The following SEMA3A variants were observed in gnomAD, a reference collection of about 807,000 sequenced individuals.
SEMA3A encodes the protein semaphorin-3A.
A neutral mutation model predicts 97.9 loss-of-function variants in SEMA3A; 29 were observed. That is an observed-to-expected ratio of 0.30 (90% CI 0.22 to 0.40). The LOEUF (loss-of-function observed/expected upper bound fraction) is 0.40, where lower values mean the gene tolerates loss of function less well. Ranked by LOEUF, SEMA3A falls within the 10% of genes least tolerant of loss-of-function variation. The probability of loss-of-function intolerance (pLI) is 1.00; values close to 1 mark genes in which losing one functional copy is unlikely to be tolerated. For missense variants in SEMA3A, 763 were observed against 951.3 expected, an observed-to-expected ratio of 0.80 and a Z score of 2.60; for synonymous variants, 321 against 323.7, an observed-to-expected ratio of 0.99 and a Z score of 0.09.
At chr7:84,060,796 A>G (rs2115685374) in intron 4 of SEMA3A, among the ~76,000 whole-genome samples, 1 of 152,350 alleles carries the variant, frequency 6.6e-6, no homozygotes, top group Admixed American at 6.5e-5. Context: ...GCAAACAATA[A>G]TGTGTAAATA....
chr7:84,246,286 T>A (rs1160907435), intron 3 of SEMA3A, among the ~76,000 whole-genome samples: 4 of 152,204 alleles, frequency 2.6e-5, no homozygotes, highest in African/African-American at 9.7e-5. Context: ...TTTGTAGTAA[T>A]TTGTTACAGC....
At chr7:84,278,754 G>A (rs945125613) in intron 3 of SEMA3A, among the ~76,000 whole-genome samples, 30 of 152,036 alleles carry the variant, frequency 2.0e-4, no homozygotes, top group Admixed American at 1.2e-3. Context: ...TTGCTATCAT[G>A]AGCACAACAA....
chr7:84,205,239 A>G (rs1401155188), intron 3 of SEMA3A, among the ~76,000 whole-genome samples: 1 of 152,224 alleles, frequency 6.6e-6, no homozygotes, highest in Non-Finnish European at 1.5e-5. Context: ...CTCATAGGTC[A>G]ATAGCACTCT....
intron 12 of SEMA3A, among the ~76,000 whole-genome samples, chr7:83,993,944 C>G (rs899315400): frequency 4.1e-5 from 5 of 121,104 alleles, no homozygotes; most frequent in African/African-American, 1.6e-4. Flanking sequence ...CCATCACTTT[C>G]AGGTACACCA....
At chr7:84,467,672 C>T (rs1806038148) in intron 1 of SEMA3A, among the ~76,000 whole-genome samples, 1 of 151,978 alleles carries the variant, frequency 6.6e-6, no homozygotes, top group Non-Finnish European at 1.5e-5. Context: ...TTCAATGCAT[C>T]CCAACATCAT....
chr7:84,486,933 G>A (rs1291733705), intron 1 of SEMA3A, among the ~76,000 whole-genome samples: 1 of 151,934 alleles, frequency 6.6e-6, no homozygotes, highest in African/African-American at 2.4e-5. Context: ...TAGAAGTACA[G>A]ATAGAATACT....
At chr7:84,072,674 C>G (rs1485387684) in intron 4 of SEMA3A, among the ~76,000 whole-genome samples, 1 of 150,480 alleles carries the variant, frequency 6.6e-6, no homozygotes, top group South Asian at 2.1e-4. Context: ...ATTTGGAATA[C>G]GGAGGTGAAA....
At chr7:84,202,042 C>T (rs973640079) in intron 3 of SEMA3A, among the ~76,000 whole-genome samples, 42 of 152,100 alleles carry the variant, frequency 2.8e-4, no homozygotes, top group African/African-American at 9.9e-4. Flanking sequence ...TCACAATGTG[C>T]TGATTATACA....
At chr7:84,414,697 C>T (rs1243851940) in intron 1 of SEMA3A, among the ~76,000 whole-genome samples, 27 of 151,448 alleles carry the variant, frequency 1.8e-4, no homozygotes, top group Admixed American at 1.8e-3. Flanking sequence ...AAATTTGGCT[C>T]TATTATTAAA....
At chr7:84,207,678 T>G (rs1798522836) in intron 3 of SEMA3A, among the ~76,000 whole-genome samples, 1 of 152,222 alleles carries the variant, frequency 6.6e-6, no homozygotes. Context: ...CCAAGTTCTC[T>G]GACCTATAAG....
chr7:83,985,621 TAAAG>T (rs779097899), intron 12 of SEMA3A, 144 bp from the exon 13 acceptor site: 15 of 683,426 alleles, frequency 2.2e-5, no homozygotes, highest in Non-Finnish European at 3.1e-5. Context: ...ATAAGACACA[TAAAG>T]AAACTGCATA....
Position 83,958,801 on chromosome 7 carries a change from A to G in SEMA3A, c.*2570T>C, listed in dbSNP as rs1470290610. The G allele has an allele frequency of 6.6e-6, 1 of 152,504 alleles. No individual in the cohort carries two copies. Among genetic ancestry groups the G allele is most frequent in the Non-Finnish European group, 1.5e-5 (1 of 67,950 alleles). 9.4% of individuals were successfully genotyped at this position (152,504 alleles called of 1,614,324 possible). A position where few individuals can be genotyped will look rare whatever the true frequency, so the allele number is the denominator to read the frequency against. On this transcript the variant is annotated 3_prime_UTR_variant, in exon 17 of 17. Coordinates refer to ENST00000265362, the MANE Select transcript of SEMA3A (RefSeq NM_006080.3). ...TTTTACATTTGATATCAACTGGGCC[A>G]TAATGTCTCTGCTGTGATGCATCTT...
intron 3 of SEMA3A, among the ~76,000 whole-genome samples, chr7:84,264,122 CT>C (rs1255977102): frequency 6.6e-6 from 1 of 151,954 alleles, no homozygotes; most frequent in Admixed American, 6.6e-5. Flanking sequence ...TTTGAATTGT[CT>C]TTTTTATTTT....
intron 1 of SEMA3A, among the ~76,000 whole-genome samples, chr7:84,380,080 CAA>C (rs1371447232): frequency 2.6e-5 from 4 of 152,062 alleles, no homozygotes; most frequent in Non-Finnish European, 4.4e-5. Flanking sequence ...TGTGTGCATT[CAA>C]AAAGAGTTCA....
At chr7:84,445,415 AC>A (rs1243920205) in intron 1 of SEMA3A, among the ~76,000 whole-genome samples, 1 of 146,076 alleles carries the variant, frequency 6.8e-6, no homozygotes, top group Non-Finnish European at 1.5e-5. Flanking sequence ...AATGGCATGA[AC>A]CCAGGAGGCA....
chr7:83,963,463 C>A, intron 15 of SEMA3A, 116 bp from the exon 16 acceptor site: 1 of 1,112,196 alleles, frequency 9.0e-7, no homozygotes. Flanking sequence ...AGTTGTTTCA[C>A]ATTGATTGAG....
At chr7:84,029,846 A>G (rs1791677142) in intron 6 of SEMA3A, among the ~76,000 whole-genome samples, 1 of 149,422 alleles carries the variant, frequency 6.7e-6, no homozygotes, top group Non-Finnish European at 1.5e-5. Context: ...CACATTTTAG[A>G]AAGTAGTAAT....
At chr7:83,994,690 C>T (rs904411304) in intron 12 of SEMA3A, among the ~76,000 whole-genome samples, 14 of 148,404 alleles carry the variant, frequency 9.4e-5, no homozygotes, top group Non-Finnish European at 1.6e-4. Flanking sequence ...TCTCCAGCTG[C>T]GTGCTGGGAG....
At chr7:84,436,151 C>CTAAAA (rs1432904134) in intron 1 of SEMA3A, among the ~76,000 whole-genome samples, 318 of 152,182 alleles carry the variant, frequency 2.1e-3, no homozygotes, top group Middle Eastern at 3.4e-3. Context: ...AAACTGGACC[C>CTAAAA]CTACTTTTTA....
Sources: gnomAD v4.1 joint callset for allele counts (sites outside exome capture counted in the v4.1 genomes callset) on GRCh38, gnomAD v4.1.1 for gene constraint, MANE v1.5 for transcripts, NCBI Gene and HGNC (gene_info 2026-07-23, HGNC 2026-07-21) for gene names.